PNPT1: variants seen among roughly 807,000 people sequenced by gnomAD.
PNPT1 encodes polyribonucleotide nucleotidyltransferase 1, mitochondrial.
A neutral mutation model predicts 119.5 loss-of-function variants in PNPT1; 53 were observed. The observed-to-expected ratio is 0.44, with a 90% CI of 0.36 to 0.56. The LOEUF is 0.56. Ranked by LOEUF, PNPT1 falls within the 20% of genes least tolerant of loss-of-function variation. The pLI is 0.00. For synonymous variants in PNPT1, 357 were observed against 322.1 expected (o/e 1.11, Z -1.16); for missense variants, 948 against 938.5 (o/e 1.01, Z -0.13).
At chr2:55,638,986 T>C (rs1695760032) in intron 26 of PNPT1, among the ~76,000 whole-genome samples, 1 of 152,114 alleles carries the variant, frequency 6.6e-6, no homozygotes, top group African/African-American at 2.4e-5. Context: ...ATGTTGGCCA[T>C]GCTGGTCTCA....
At chr2:55,645,259 T>C (rs555150018) in intron 22 of PNPT1, 90 bp downstream of exon 22, 53 of 783,996 alleles carry the variant, frequency 6.8e-5, no homozygotes, top group South Asian at 6.5e-4. Flanking sequence ...CTCCTGACCT[T>C]GTGATCCGCT....
intron 3 of PNPT1, among the ~76,000 whole-genome samples, chr2:55,685,823 T>C (rs1415142367): frequency 6.6e-6 from 1 of 152,208 alleles, no homozygotes; most frequent in Non-Finnish European, 1.5e-5. Flanking sequence ...TAGTATTTGT[T>C]TATAACTTAC....
At chr2:55,647,519 T>C in intron 18 of PNPT1, 66 bp from the exon 19 acceptor site, 2 of 1,229,526 alleles carry the variant, frequency 1.6e-6, no homozygotes, top group South Asian at 1.5e-5. Flanking sequence ...TATTTATCTA[T>C]CAATTTTTTT....
At chr2:55,650,379 G>A (rs566378760) in intron 18 of PNPT1, among the ~76,000 whole-genome samples, 1 of 152,210 alleles carries the variant, frequency 6.6e-6, no homozygotes, top group Non-Finnish European at 1.5e-5. Flanking sequence ...TCCTAACTGC[G>A]AGTGATCCGC....
chr2:55,671,117 TAGA>T (rs893600518), intron 11 of PNPT1, among the ~76,000 whole-genome samples, 199 bp downstream of exon 11: 9 of 152,138 alleles, frequency 5.9e-5, no homozygotes, highest in African/African-American at 2.2e-4. Context: ...AACCTTGGGT[TAGA>T]AGAAGACCAC....
chr2:55,646,557 A>G, intron 19 of PNPT1, 71 bp from the exon 20 acceptor site: 1 of 1,288,666 alleles, frequency 7.8e-7, no homozygotes, highest in Non-Finnish European at 1.1e-6. Flanking sequence ...CTGTAGAAAC[A>G]TTTCAAAAAA....
Position 55,637,603 on chromosome 2 carries a change from G to GAA in PNPT1, c.2149-6_2149-5dup. 2.5e-6 allele frequency: 4 copies of GAA among 1,573,718 alleles called. No individual in the cohort carries two copies. The highest frequency in any genetic ancestry group is 3.5e-6 in the Non-Finnish European group (4 of 1,148,748). On this transcript the variant is annotated splice_region_variant and splice_polypyrimidine_tract_variant and intron_variant, in intron 26 of 27. Coordinates refer to ENST00000447944, the MANE Select transcript of PNPT1 (RefSeq NM_033109.5). ...CTAGGGCAGTAGGATGTTTAATCTG[G>GAA]AAAAAAAAATGTTAATCTATTAGTT...
chr2:55,687,547 C>A, intron 2 of PNPT1, 98 bp downstream of exon 2: 1 of 865,836 alleles, frequency 1.2e-6, no homozygotes, highest in Non-Finnish European at 1.8e-6. Flanking sequence ...ATTTCCAGTA[C>A]CAAAATTCTA....
In PNPT1 at chr2:55,668,405, T is replaced by A. The variant is rs550870622; in HGVS notation, c.977-447A>T. On this transcript the variant is annotated intron_variant, in intron 11 of 27. Transcript: ENST00000447944. ...GCGTGTACCACCATGCCTGGCTAAT[T>A]TTTTTGTATTTTAGTGGAGACGGGG... Among the ~76,000 whole-genome samples, 5 of 151,916 alleles carry A rather than the reference T, an allele frequency of 3.3e-5. No individual in the cohort carries two copies. The South Asian group carries it at 1.0e-3, about 32-fold the overall frequency.
At chr2:55,677,397 C>T (rs1238124122) in intron 8 of PNPT1, among the ~76,000 whole-genome samples, 1 of 151,982 alleles carries the variant, frequency 6.6e-6, no homozygotes, top group African/African-American at 2.4e-5. Context: ...AATTAGAGAC[C>T]AGCCTAGCCA....
At chr2:55,677,409 C>T (rs930712634) in intron 8 of PNPT1, among the ~76,000 whole-genome samples, 2 of 152,022 alleles carry the variant, frequency 1.3e-5, no homozygotes, top group African/African-American at 4.8e-5. Flanking sequence ...GCCTAGCCAA[C>T]ATGGCAAAAC....
At chr2:55,685,487 C>G (rs1166728710) in intron 3 of PNPT1, among the ~76,000 whole-genome samples, 2 of 152,014 alleles carry the variant, frequency 1.3e-5, no homozygotes, top group Non-Finnish European at 2.9e-5. Context: ...ATGATCACAC[C>G]ACTGAACAAC....
intron 18 of PNPT1, among the ~76,000 whole-genome samples, chr2:55,650,074 T>C (rs1361604001): frequency 6.6e-6 from 1 of 152,160 alleles, no homozygotes; most frequent in Non-Finnish European, 1.5e-5. Context: ...GGAGATTTTA[T>C]GTTGGGGAAA....
chr2:55,693,628 TTA>T (rs763314204), intron 1 of PNPT1, 33 bp downstream of exon 1: 2 of 1,612,094 alleles, frequency 1.2e-6, no homozygotes, highest in Non-Finnish European at 1.7e-6. Context: ...ACAAGACACC[TTA>T]TGACAATACA....
chr2:55,641,845 G>C (rs866543979), intron 25 of PNPT1, among the ~76,000 whole-genome samples: 1 of 147,624 alleles, frequency 6.8e-6, no homozygotes, highest in Non-Finnish European at 1.5e-5. Flanking sequence ...ACTGAAATTG[G>C]CTTTTTTTTT....
Position 55,680,762 on chromosome 2 carries a change from T to TA in PNPT1, c.518-4dup, listed in dbSNP as rs752898095. On this transcript the variant is annotated splice_polypyrimidine_tract_variant and splice_region_variant and intron_variant, in intron 6 of 27. Transcript: ENST00000447944. The stretch of plus-strand genomic sequence containing the variant: ...TGATAATGAGAGGGCTACGGAAGCT[T>TA]AAAAAAGGAGAAAAATCAGGGCCGA... The TA allele has an allele frequency of 1.2e-6, 2 of 1,613,522 alleles. No homozygotes were observed. Among genetic ancestry groups the TA allele is most frequent in the East Asian group, 4.5e-5 (2 of 44,826 alleles).
chr2:55,653,507 A>T (rs1388547350), intron 18 of PNPT1, among the ~76,000 whole-genome samples: 1 of 152,214 alleles, frequency 6.6e-6, no homozygotes, highest in Non-Finnish European at 1.5e-5. Context: ...GAGATTTGGA[A>T]GACTGAGAAA....
In PNPT1 at chr2:55,680,586, G is replaced by A. The variant is rs551000202; in HGVS notation, c.565+126C>T. The stretch of plus-strand genomic sequence containing the variant: ...AAAGACCTGAAAGGAGACTTAGAAC[G>A]TCATCTAGTTCAATTCATGAAGAGG... On this transcript the variant is annotated intron_variant, in intron 7 of 27. Transcript: ENST00000447944. 422 of 862,072 alleles carry A rather than the reference G, an allele frequency of 4.9e-4. 2 individuals are homozygous for A. Among genetic ancestry groups the A allele is most frequent in the South Asian group, 3.2e-3 (183 of 57,488 alleles). 53.4% of individuals were successfully genotyped at this position (862,072 alleles called of 1,614,324 possible). A position where few individuals can be genotyped will look rare whatever the true frequency, so the allele number is the denominator to read the frequency against.
chr2:55,683,180 C>T (rs1327766794), intron 5 of PNPT1, among the ~76,000 whole-genome samples: 1 of 152,178 alleles, frequency 6.6e-6, no homozygotes, highest in Non-Finnish European at 1.5e-5. Flanking sequence ...TGTAGTCACG[C>T]TGATCTTCTT....
Sources: allele counts gnomAD v4.1 joint callset (sites outside exome capture counted in the v4.1 genomes callset), GRCh38; gene constraint gnomAD v4.1.1; transcripts MANE v1.5; gene names NCBI Gene and HGNC (gene_info 2026-07-23, HGNC 2026-07-21).